Variants in STRN observed in about 807,000 individuals in gnomAD.
STRN encodes the protein protein phosphatase 2 regulatory subunit B'''alpha.
A neutral mutation model predicts 96.3 loss-of-function variants in STRN; 53 were observed. The observed-to-expected ratio is 0.55, with a 90% confidence interval of 0.44 to 0.69. The LOEUF (loss-of-function observed/expected upper bound fraction) is 0.69, where lower values mean the gene tolerates loss of function less well. STRN is among the 30% of genes least tolerant of loss of function. The pLI, the probability that STRN is intolerant of heterozygous loss-of-function variation, is 0.00. For missense variants in STRN, 987 were observed against 963.9 expected, an observed-to-expected ratio of 1.02 and a Z score of -0.32; for synonymous variants, 428 against 355.9, an observed-to-expected ratio of 1.20 and a Z score of -2.28.
intron 9 of STRN, among the ~76,000 whole-genome samples, chr2:36,880,687 A>T (rs1669047815): frequency 6.6e-6 from 1 of 152,240 alleles, no homozygotes; most frequent in South Asian, 2.1e-4. Flanking sequence ...GGTCAAAAAT[A>T]TCAGTTGAAT....
intron 15 of STRN, among the ~76,000 whole-genome samples, chr2:36,853,624 C>T (rs1415270065): frequency 6.6e-6 from 1 of 152,198 alleles, no homozygotes; most frequent in Non-Finnish European, 1.5e-5. Flanking sequence ...GTCAAATCGC[C>T]ATTGACATCA....
At chr2:36,850,964 T>TG in intron 16 of STRN, 36 bp downstream of exon 16, 6 of 1,524,682 alleles carry the variant, frequency 3.9e-6, no homozygotes, top group Middle Eastern at 3.5e-4. Flanking sequence ...TTTTTTTTTT[T>TG]GCTTTAATAA....
At chr2:36,925,373 G>A (rs1027521026) in intron 1 of STRN, among the ~76,000 whole-genome samples, 165 bp from the exon 2 acceptor site, 1 of 152,014 alleles carries the variant, frequency 6.6e-6, no homozygotes, top group African/African-American at 2.4e-5. Context: ...ACTGCAAGGG[G>A]GAAAAAGGAT....
rs536142835 is a variant in STRN at position 36,841,473 on chromosome 2, C to T, written c.*7983G>A. 1 of 152,130 alleles carries T rather than the reference C, an allele frequency of 6.6e-6. No homozygotes were observed. Among genetic ancestry groups the T allele is most frequent in the Admixed American group, 6.5e-5 (1 of 15,278 alleles). The allele number at this position is 152,130 out of a possible 1,614,324, so 9.4% of individuals were successfully genotyped here. On this transcript the variant is annotated 3_prime_UTR_variant, in exon 18 of 18. Transcript: ENST00000263918. ...AGTTTTTCTTTTTCTAAAAATCACA[C>T]TGAGTGATATTATTCTATCAAGAGG...
At chr2:36,964,203 G>T in intron 1 of STRN, among the ~76,000 whole-genome samples, 1 of 148,080 alleles carries the variant, frequency 6.8e-6, no homozygotes, top group African/African-American at 2.5e-5. Context: ...AGGATGGGTT[G>T]GAATTCCCCA....
At chr2:36,875,964 A>T (rs1167926822) in intron 10 of STRN, among the ~76,000 whole-genome samples, 1 of 151,902 alleles carries the variant, frequency 6.6e-6, no homozygotes, top group Non-Finnish European at 1.5e-5. Flanking sequence ...CTTACAAATG[A>T]TTTTTTTTAA....
chr2:36,886,744 C>T lies in STRN; in HGVS notation c.1014G>A (p.Lys338=), dbSNP rs1019589890. 1.9e-6 allele frequency: 3 copies of T among 1,612,552 alleles called. No homozygotes were observed. Among genetic ancestry groups the T allele is most frequent in the African/African-American group, 2.7e-5 (2 of 74,796 alleles). ...TCACCCCCTTTTTCCCCTTTCTCTCCTTTTTGTATTGTTCCTTGAGTTTGG... is the reference window on the plus strand; with the variant it reads ...TCACCCCCTTTTTCCCCTTTCTCTCTTTTTTGTATTGTTCCTTGAGTTTGG... ...VITKLKEQYK[K]ERKGKKGVKR... Residue 338 remains lysine (K), a synonymous_variant, in exon 8 of 18, where the codon AAG becomes AAA. Coordinates refer to ENST00000263918, the MANE Select transcript of STRN (RefSeq NM_003162.4).
rs1350514718 is a variant in STRN, at chr2:36,847,764, T to C, written c.*1692A>G. On this transcript the variant is annotated 3_prime_UTR_variant, in exon 18 of 18. Transcript: ENST00000263918. ...TTTTACAGAAATATTTGTCAATCATTAGCCACACCACCACCAGAATACTTT... is the reference window on the plus strand; with the variant it reads ...TTTTACAGAAATATTTGTCAATCATCAGCCACACCACCACCAGAATACTTT... 6.6e-6 allele frequency: 1 copy of C among 152,136 alleles called. No homozygotes were observed. The highest frequency in any genetic ancestry group is 1.5e-5 in the Non-Finnish European group (1 of 68,020). The allele number at this position is 152,136 out of a possible 1,614,324, so 9.4% of individuals were successfully genotyped here.
At position 36,876,378 on chromosome 2, in the gene STRN, A is replaced by G. The variant is rs562413248; in HGVS notation, c.1323+1513T>C. On this transcript the variant is annotated intron_variant, in intron 10 of 17. Transcript: ENST00000263918. Reference sequence around the variant, plus strand: ...GGTTATTGTAGTAGCTCTGGCTAAGAAAAAAATGGACCAGGATAGAAAATG... The same window carrying G: ...GGTTATTGTAGTAGCTCTGGCTAAGGAAAAAATGGACCAGGATAGAAAATG... Among the ~76,000 whole-genome samples, 3 of 152,254 alleles carry G rather than the reference A, an allele frequency of 2.0e-5. No individual in the cohort carries two copies. In the South Asian group the frequency reaches 6.2e-4, roughly 32 times the overall value.
At chr2:36,942,429 T>C (rs764098504) in intron 1 of STRN, among the ~76,000 whole-genome samples, 1 of 152,210 alleles carries the variant, frequency 6.6e-6, no homozygotes, top group African/African-American at 2.4e-5. Context: ...GCATTCCTGA[T>C]ATTCATTCCA....
chr2:36,936,656 T>A (rs573991977), intron 1 of STRN, among the ~76,000 whole-genome samples: 2 of 152,168 alleles, frequency 1.3e-5, no homozygotes, highest in African/African-American at 2.4e-5. Context: ...AAACTATATT[T>A]GAGAAAGATG....
intron 1 of STRN, among the ~76,000 whole-genome samples, chr2:36,925,761 A>G (rs1670392899): frequency 1.3e-5 from 2 of 152,208 alleles, no homozygotes; most frequent in Non-Finnish European, 2.9e-5. Flanking sequence ...TAACAGAGTG[A>G]GACTCCATAT....
intron 1 of STRN, among the ~76,000 whole-genome samples, chr2:36,962,274 T>C (rs1010403398): frequency 6.6e-6 from 1 of 152,178 alleles, no homozygotes; most frequent in African/African-American, 2.4e-5. Context: ...CCACACCACA[T>C]GCCCTAAGCT....
At chr2:36,926,104 G>T (rs1195543802) in intron 1 of STRN, among the ~76,000 whole-genome samples, 1 of 152,110 alleles carries the variant, frequency 6.6e-6, no homozygotes, top group African/African-American at 2.4e-5. Flanking sequence ...AGAGACAATG[G>T]CCTTCTGCCC....
rs759318441 is a variant in STRN at position 36,857,886 on chromosome 2, G to A, written c.1807C>T (p.Pro603Ser). The A allele has an allele frequency of 3.7e-6, 6 of 1,613,972 alleles. No individual in the cohort carries two copies. Among genetic ancestry groups the A allele is most frequent in the Non-Finnish European group, 5.1e-6 (6 of 1,179,994 alleles). The change falls in exon 14 of 18, where the codon CCA (proline) becomes TCA (serine). Residue 603 changes from proline to serine, a missense_variant. Transcript: ENST00000263918. ...GTATCATTAAATACACTTAGTGCTG[G>A]AGCAACCTCAGTTGTATTCCATAAA... ...LRLWNTTEVAPALSVFNDTKE... is the reference protein window; with the variant it reads ...LRLWNTTEVASALSVFNDTKE...
chr2:36,920,395 T>C (rs752486105), intron 2 of STRN, among the ~76,000 whole-genome samples: 1 of 151,964 alleles, frequency 6.6e-6, no homozygotes, highest in Non-Finnish European at 1.5e-5. Context: ...TCCCAACACT[T>C]TGGGAGGCCG....
chr2:36,879,263 G>T (rs1461264887), intron 9 of STRN, among the ~76,000 whole-genome samples: 1 of 151,834 alleles, frequency 6.6e-6, no homozygotes, highest in Non-Finnish European at 1.5e-5. Context: ...TAGAGACGGG[G>T]TTTCCCCATG....
chr2:36,878,612 G>A lies in STRN; in HGVS notation c.1187-585C>T, dbSNP rs547056299. On this transcript the variant is annotated intron_variant, in intron 9 of 17. Transcript: ENST00000263918. ...CCAGGGCCCTGGTAATGTTCTACTT[G>A]TTGACCTAAGGGGTGGTGACGTGGG... Among the ~76,000 whole-genome samples, 6 of 152,254 alleles carry A rather than the reference G, an allele frequency of 3.9e-5. No homozygotes were observed. The South Asian group carries it at 1.2e-3, about 32-fold the overall frequency.
rs550692314 is a variant in STRN at position 36,885,788 on chromosome 2, G to C, written c.1042+928C>G. Among the ~76,000 whole-genome samples the C allele has an allele frequency of 2.0e-5, 3 of 152,112 alleles. No homozygotes were observed. The South Asian group carries it at 6.2e-4, about 32-fold the overall frequency. On this transcript the variant is annotated intron_variant, in intron 8 of 17. Transcript: ENST00000263918. Reference sequence around the variant, plus strand: ...AAAAAGCATACCTTTCCAGTCTTTCGCAACTTTAAAATACATTTCTCACTA... The same window carrying C: ...AAAAAGCATACCTTTCCAGTCTTTCCCAACTTTAAAATACATTTCTCACTA...
Sources: gnomAD v4.1 joint callset for allele counts (sites outside exome capture counted in the v4.1 genomes callset) on GRCh38, gnomAD v4.1.1 for gene constraint, MANE v1.5 for transcripts, NCBI Gene and HGNC (gene_info 2026-07-23, HGNC 2026-07-21) for gene names.